ZNF469: variants seen among roughly 807,000 people sequenced by gnomAD.
ZNF469 encodes zinc finger protein 469.
Under a neutral mutation model 1.0 loss-of-function variants are expected in ZNF469, and 1 was observed. The ratio of observed to expected loss-of-function variants is 1.00; its 90% CI spans 0.35 to 4.73. The LOEUF is 4.73. ZNF469 is among the 30% of genes most tolerant of loss of function. The pLI is 0.16. For missense variants in ZNF469, 6,100 were observed against 5,356.3 expected, an observed-to-expected ratio of 1.14 and a Z score of -4.33; for synonymous variants, 2,703 against 2,363.4, an observed-to-expected ratio of 1.14 and a Z score of -4.17.
chr16:88,408,850 C>A (rs1905076647), intron 1 of ZNF469, among the ~76,000 whole-genome samples: 2 of 152,210 alleles, frequency 1.3e-5, no homozygotes, highest in Non-Finnish European at 2.9e-5. Context: ...CAGCCCCTGG[C>A]AGATATCCCT....
At chr16:88,263,316 A>T in the ZNF469 span, among the ~76,000 whole-genome samples, 1 of 152,210 alleles carries the variant, frequency 6.6e-6, no homozygotes, top group Admixed American at 6.5e-5. Context: ...GATGCATATG[A>T]GGCCCTTGTC....
chr16:88,220,818 A>G, the ZNF469 span, among the ~76,000 whole-genome samples: 1 of 152,054 alleles, frequency 6.6e-6, no homozygotes, highest in African/African-American at 2.4e-5. Flanking sequence ...CCACAAGGGG[A>G]TCCTTCCTGG....
At chr16:88,343,249 C>A in the ZNF469 span, among the ~76,000 whole-genome samples, 1 of 152,092 alleles carries the variant, frequency 6.6e-6, no homozygotes, top group Admixed American at 6.5e-5. Context: ...CATCCGGTGA[C>A]AAAGTAAACA....
chr16:88,299,822 G>T, the ZNF469 span, among the ~76,000 whole-genome samples: 1 of 152,212 alleles, frequency 6.6e-6, no homozygotes, highest in African/African-American at 2.4e-5. Context: ...CCCTGAGCAG[G>T]ATGGACTTCT....
At chr16:88,233,879 G>A in the ZNF469 span, among the ~76,000 whole-genome samples, 1 of 152,268 alleles carries the variant, frequency 6.6e-6, no homozygotes, top group East Asian at 1.9e-4. Flanking sequence ...CTAATACCCT[G>A]CTCTCTCGCC....
At chr16:88,206,213 C>T in the ZNF469 span, among the ~76,000 whole-genome samples, 94 of 152,332 alleles carry the variant, frequency 6.2e-4, no homozygotes, top group Admixed American at 1.2e-3. Flanking sequence ...TCAACAGCAG[C>T]GCCGGAGGCG....
chr16:88,377,970 C>T (rs1189763156), upstream of ZNF469, among the ~76,000 whole-genome samples: 1 of 152,164 alleles, frequency 6.6e-6, no homozygotes, highest in Non-Finnish European at 1.5e-5. Flanking sequence ...TGAGAGGAAG[C>T]CTGACCCAGG....
At chr16:88,403,816 G>A (rs1904950745) in intron 1 of ZNF469, among the ~76,000 whole-genome samples, 1 of 151,900 alleles carries the variant, frequency 6.6e-6, no homozygotes, top group Admixed American at 6.6e-5. Context: ...GATGCCTCCC[G>A]CCCCCACTCA....
At chr16:88,338,252 G>A in the ZNF469 span, among the ~76,000 whole-genome samples, 5 of 152,228 alleles carry the variant, frequency 3.3e-5, no homozygotes, top group African/African-American at 1.2e-4. Context: ...CATGGGTGGG[G>A]AGCTGCTGAC....
At chr16:88,297,754 G>A in the ZNF469 span, among the ~76,000 whole-genome samples, 1 of 152,164 alleles carries the variant, frequency 6.6e-6, no homozygotes, top group African/African-American at 2.4e-5. Flanking sequence ...CCACCCAGGT[G>A]GTCCAGGATC....
At chr16:88,384,844 C>T (rs564412372) in intron 1 of ZNF469, among the ~76,000 whole-genome samples, 1 of 152,106 alleles carries the variant, frequency 6.6e-6, no homozygotes, top group Non-Finnish European at 1.5e-5. Context: ...CAGTCTCCAC[C>T]AGACCCTGCC....
In ZNF469 at chr16:88,427,903, G is replaced by A. The variant is rs1037180222; in HGVS notation, c.433G>A (p.Ala145Thr). 2 of 1,549,804 alleles carry A rather than the reference G, an allele frequency of 1.3e-6. No individual in the cohort carries two copies. Among genetic ancestry groups the A allele is most frequent in the Non-Finnish European group, 1.7e-6 (2 of 1,146,826 alleles). ...ACCAGAGAACCCACAGCTGGAGGCT[G>A]CCCAGCTCCCTGAGGTGGACACCCC... ...ETPENPQLEA[A>T]QLPEVDTPQG... is the part of the protein sequence containing the mutation. Residue 145 changes from alanine to threonine, a missense_variant, in exon 3 of 3, where the codon GCC becomes ACC. Coordinates refer to ENST00000565624, the MANE Select transcript of ZNF469 (RefSeq NM_001367624.2).
chr16:88,346,188 G>A, the ZNF469 span, among the ~76,000 whole-genome samples: 1 of 152,204 alleles, frequency 6.6e-6, no homozygotes, highest in Non-Finnish European at 1.5e-5. Context: ...CTCCATCCCA[G>A]GCCCGATTCT....
At chr16:88,273,926 TC>T in the ZNF469 span, among the ~76,000 whole-genome samples, 1 of 150,940 alleles carries the variant, frequency 6.6e-6, no homozygotes, top group Non-Finnish European at 1.5e-5. Context: ...TGCCTCAGCC[TC>T]CCGTGTAGCT....
chr16:88,114,220 C>G, the ZNF469 span, among the ~76,000 whole-genome samples: 7 of 130,736 alleles, frequency 5.4e-5, no homozygotes, highest in African/African-American at 2.0e-4. Context: ...CGGGGGTCTC[C>G]GGGGAGAATG....
the ZNF469 span, among the ~76,000 whole-genome samples, chr16:88,283,417 C>T: frequency 7.2e-5 from 11 of 151,936 alleles, no homozygotes; most frequent in Non-Finnish European, 1.2e-4. Flanking sequence ...AAAAATAAGA[C>T]GAATGAATGA....
the ZNF469 span, among the ~76,000 whole-genome samples, chr16:88,298,333 C>G: frequency 1.2e-4 from 19 of 152,272 alleles, no homozygotes; most frequent in East Asian, 1.6e-3. Context: ...CCTTCTGCCT[C>G]GAGGAGCTGT....
chr16:88,208,323 C>T, the ZNF469 span, among the ~76,000 whole-genome samples: 1 of 150,978 alleles, frequency 6.6e-6, no homozygotes, highest in Non-Finnish European at 1.5e-5. Context: ...TCACGTGCCG[C>T]AATCTGGAAC....
At chr16:88,321,047 T>A in the ZNF469 span, among the ~76,000 whole-genome samples, 1 of 152,148 alleles carries the variant, frequency 6.6e-6, no homozygotes, top group Non-Finnish European at 1.5e-5. Context: ...GGGGTCAGGG[T>A]GGGGACGTGA....
Sources: gnomAD v4.1 joint callset for allele counts (sites outside exome capture counted in the v4.1 genomes callset) on GRCh38, gnomAD v4.1.1 for gene constraint, MANE v1.5 for transcripts, NCBI Gene and HGNC (gene_info 2026-07-23, HGNC 2026-07-21) for gene names.